Variants in RBM23 observed in about 807,000 individuals in gnomAD.
RBM23 encodes the protein RNA binding motif protein 23.
A neutral mutation model predicts 56.2 loss-of-function variants in RBM23; 53 were observed. That is an observed-to-expected ratio of 0.94 (90% CI 0.76 to 1.19). The LOEUF (loss-of-function observed/expected upper bound fraction) is 1.19, where lower values mean the gene tolerates loss of function less well. Ranked by LOEUF, RBM23 falls within the 50% of genes most tolerant of loss-of-function variation. RBM23 has a pLI of 0.00. For synonymous variants in RBM23, 197 were observed against 198.5 expected (o/e 0.99, Z 0.06); for missense variants, 642 against 590.3 (o/e 1.09, Z -0.91).
At position 22,901,777 on chromosome 14, in the gene RBM23, A is replaced by G. The variant is rs116689436; in HGVS notation, c.1316+37T>C. The G allele has an allele frequency of 1.1e-3, 1,759 of 1,613,946 alleles. 17 individuals carry two copies. In the African/African-American group the frequency reaches 0.021, roughly 20 times the overall value. On this transcript the variant is annotated intron_variant, in intron 13 of 13. Coordinates refer to ENST00000359890, the MANE Select transcript of RBM23 (RefSeq NM_001077351.2). ...AATGGGAAGCCAAAGGAAAGAGAAT[A>G]ATCAAAGGCTAGAATGAGCTAGACC...
At chr14:22,910,177 A>AAAAAAAAAAAAG (rs1262580822) in intron 2 of RBM23, among the ~76,000 whole-genome samples, 1 of 121,442 alleles carries the variant, frequency 8.2e-6, no homozygotes, top group African/African-American at 3.0e-5. Flanking sequence ...AAAAAAAAAA[A>AAAAAAAAAAAAG]GAGGCTGGGC....
chr14:22,911,087 A>T (rs2042439060), intron 2 of RBM23, among the ~76,000 whole-genome samples: 1 of 152,218 alleles, frequency 6.6e-6, no homozygotes, highest in African/African-American at 2.4e-5. Flanking sequence ...TTTTGAGCAA[A>T]GCACAGATTA....
chr14:22,907,122 C>T (rs1459352401), intron 4 of RBM23, among the ~76,000 whole-genome samples: 8 of 151,718 alleles, frequency 5.3e-5, no homozygotes, highest in Non-Finnish European at 1.2e-4. Flanking sequence ...TGCAGTGAGC[C>T]GACGTCGCGC....
At chr14:22,911,501 G>A in intron 1 of RBM23, 98 bp from the exon 2 acceptor site, 1 of 945,612 alleles carries the variant, frequency 1.1e-6, no homozygotes, top group South Asian at 1.5e-5. Flanking sequence ...GAGACTTCAG[G>A]ATATACAGAT....
chr14:22,911,264 A>G, intron 2 of RBM23, 64 bp downstream of exon 2: 3 of 1,295,120 alleles, frequency 2.3e-6, no homozygotes, highest in Non-Finnish European at 3.3e-6. Context: ...GAAAGTTGAA[A>G]GTGATGATCG....
chr14:22,914,436 G>A (rs8021269), intron 1 of RBM23, among the ~76,000 whole-genome samples: 10,967 of 151,942 alleles, frequency 0.072, 750 homozygotes, highest in African/African-American at 0.18. Context: ...AGGTTGCAGT[G>A]AGCCAAGATC....
At chr14:22,914,524 T>A (rs1200092765) in intron 1 of RBM23, among the ~76,000 whole-genome samples, 3 of 151,934 alleles carry the variant, frequency 2.0e-5, no homozygotes, top group Admixed American at 2.0e-4. Context: ...TTGGGAGTGA[T>A]GGTTTCACGG....
intron 4 of RBM23, among the ~76,000 whole-genome samples, chr14:22,907,623 T>C (rs1413151749): frequency 1.3e-5 from 2 of 152,226 alleles, no homozygotes; most frequent in African/African-American, 4.8e-5. Context: ...CAGTATATAC[T>C]TCACGATAAA....
In RBM23 at chr14:22,905,638, C is replaced by G. The variant is rs779457919; in HGVS notation, c.423G>C (p.Lys141Asn). The change falls in exon 6 of 14, where the codon AAG (lysine) becomes AAC (asparagine). Residue 141 changes from lysine to asparagine, a missense_variant. Physicochemically the swap from Lys to Asn is moderately conservative, Grantham distance 94 (BLOSUM62 0). Transcript: ENST00000359890. ...LATGYRYGHS[K>N]SPHFREKSPV... is the part of the protein sequence containing the mutation. Reference sequence around the variant, plus strand: ...GGCTCTTCTCTCTGAAATGAGGACTCTTACTGTGTCCATACCTATAACTAA... The same window carrying G: ...GGCTCTTCTCTCTGAAATGAGGACTGTTACTGTGTCCATACCTATAACTAA... The G allele has an allele frequency of 8.7e-6, 14 of 1,609,624 alleles. No homozygotes were observed. The highest frequency in any genetic ancestry group is 1.2e-5 in the Non-Finnish European group (14 of 1,175,824).
Position 22,905,323 on chromosome 14 carries a change from G to A in RBM23, c.573+13C>T, listed in dbSNP as rs1348222603. On this transcript the variant is annotated intron_variant, in intron 7 of 13. Transcript: ENST00000359890. The stretch of plus-strand genomic sequence containing the variant: ...CTAAGCTACTCAGAAGAAAACTAAG[G>A]TGGGAGGGTTACCTTGCCTACAGCA... 4 of 1,614,028 alleles carry A rather than the reference G, an allele frequency of 2.5e-6. No homozygotes were observed. The highest frequency in any genetic ancestry group is 2.2e-5 in the East Asian group (1 of 44,878).
At chr14:22,917,262 C>T (rs920041032) in intron 1 of RBM23, 2 of 152,148 alleles carry the variant, frequency 1.3e-5, no homozygotes, top group Non-Finnish European at 2.9e-5. Context: ...TTACAATCTG[C>T]TTTTTCCCCT....
At chr14:22,910,454 A>G (rs1447949599) in intron 2 of RBM23, among the ~76,000 whole-genome samples, 4 of 43,466 alleles carry the variant, frequency 9.2e-5, no homozygotes, top group African/African-American at 1.7e-4. Flanking sequence ...TCATCTCAAA[A>G]AAAAAAAAAA....
At chr14:22,905,067 C>T (rs368877729) in intron 8 of RBM23, 27 bp downstream of exon 8, 58 of 1,613,840 alleles carry the variant, frequency 3.6e-5, no homozygotes, top group Non-Finnish European at 4.7e-5. Context: ...CCCTTAAAAT[C>T]TTATGTCTGT....
rs904938253 is a variant in RBM23, at chr14:22,900,721, A to G, written c.*1009T>C. On this transcript the variant is annotated 3_prime_UTR_variant, in exon 14 of 14. Transcript: ENST00000359890. The stretch of plus-strand genomic sequence containing the variant: ...AGAAGTTGTCAGACACACAACAAAG[A>G]CCACACACAAATGGGCAACAGCTGC... The G allele has an allele frequency of 2.0e-5, 3 of 152,112 alleles. No individual in the cohort carries two copies. The highest frequency in any genetic ancestry group is 4.8e-5 in the African/African-American group (2 of 41,410). 9.4% of individuals were successfully genotyped at this position (152,112 alleles called of 1,614,324 possible). A position where few individuals can be genotyped will look rare whatever the true frequency, so the allele number is the denominator to read the frequency against.
chr14:22,910,554 A>AAAGC (rs148742362), intron 2 of RBM23, among the ~76,000 whole-genome samples: 68 of 150,836 alleles, frequency 4.5e-4, no homozygotes, highest in African/African-American at 1.4e-3. Context: ...GAGGGAGGGA[A>AAAGC]AAGCAAGCAA....
intron 4 of RBM23, among the ~76,000 whole-genome samples, chr14:22,906,916 G>A (rs1309133253): frequency 6.6e-6 from 1 of 152,198 alleles, no homozygotes; most frequent in South Asian, 2.1e-4. Context: ...GCTCACGCCT[G>A]TAATCCCAGC....
At position 22,905,658 on chromosome 14, in the gene RBM23, A is replaced by C; in HGVS notation, c.403T>G (p.Tyr135Asp). The change falls in exon 6 of 14, where the codon TAT (tyrosine) becomes GAT (aspartate). Residue 135 changes from tyrosine to aspartate, a missense_variant and splice_region_variant. By Grantham distance (160) the Tyr-to-Asp change is radical. Coordinates refer to ENST00000359890, the MANE Select transcript of RBM23 (RefSeq NM_001077351.2). ...HYRSPPLATG[Y>D]RYGHSKSPHF... ...GGACTCTTACTGTGTCCATACCTAT[A>C]ACTAAAGAATAGAGAAAAACAAAAG... is the stretch of plus-strand genomic sequence containing the variant. 1 of 1,602,466 alleles carries C rather than the reference A, an allele frequency of 6.2e-7. No individual in the cohort carries two copies. Among genetic ancestry groups the C allele is most frequent in the Non-Finnish European group, 8.6e-7 (1 of 1,169,338 alleles).
rs922305685 is a variant in RBM23 at position 22,904,457 on chromosome 14, CAG to C, written c.865-133_865-132del. The C allele has an allele frequency of 4.0e-5, 30 of 741,336 alleles. No individual in the cohort carries two copies. In the African/African-American group the frequency reaches 4.4e-4, roughly 11 times the overall value. The allele number at this position is 741,336 out of a possible 1,614,324, so 45.9% of individuals were successfully genotyped here. On this transcript the variant is annotated intron_variant, in intron 9 of 13. Coordinates refer to ENST00000359890, the MANE Select transcript of RBM23 (RefSeq NM_001077351.2). ...GTCTCACCCACTCCAGCCTGGGTGACAGAGTGAGACCTTGTCTCGGAAAAAAA... is the reference window on the plus strand; with the variant it reads ...GTCTCACCCACTCCAGCCTGGGTGACAGTGAGACCTTGTCTCGGAAAAAAA...
At chr14:22,904,608 A>C (rs2041207525) in intron 9 of RBM23, among the ~76,000 whole-genome samples, 1 of 151,488 alleles carries the variant, frequency 6.6e-6, no homozygotes, top group African/African-American at 2.4e-5. Flanking sequence ...ACTAGTTGGG[A>C]CTATAGGCGT....
Sources: gnomAD v4.1 joint callset for allele counts (sites outside exome capture counted in the v4.1 genomes callset) on GRCh38, gnomAD v4.1.1 for gene constraint, MANE v1.5 for transcripts, NCBI Gene and HGNC (gene_info 2026-07-23, HGNC 2026-07-21) for gene names.